TIMP2: variants seen among roughly 807,000 people sequenced by gnomAD.
TIMP2 encodes the protein metalloproteinase inhibitor 2.
In TIMP2, 5 loss-of-function variants were observed where a neutral mutation model predicts 24.3. That is an observed-to-expected ratio of 0.21 (90% CI 0.11 to 0.43). TIMP2 has a LOEUF of 0.43. Ranked by LOEUF, TIMP2 falls within the 20% of genes least tolerant of loss-of-function variation. The pLI, the probability that TIMP2 is intolerant of heterozygous loss-of-function variation, is 1.00. For synonymous variants in TIMP2, 130 were observed against 123.2 expected (o/e 1.06, Z -0.37); for missense variants, 221 against 297.5 (o/e 0.74, Z 1.89).
intron 1 of TIMP2, among the ~76,000 whole-genome samples, chr17:78,888,772 G>A (rs192758937): frequency 4.6e-5 from 7 of 152,332 alleles, no homozygotes; most frequent in African/African-American, 1.7e-4. Context: ...GCAGCAGGGG[G>A]ATGGAAAAGG....
Position 78,906,576 on chromosome 17 carries a change from C to T in TIMP2, c.130+18383G>A, listed in dbSNP as rs552447064. ...GTGGCAATTTCTTTTTTTTCCTTTT[C>T]TTTTTTATTTTTATTATTTTTTTTG... On this transcript the variant is annotated intron_variant, in intron 1 of 4. Transcript: ENST00000262768. Among the ~76,000 whole-genome samples the T allele has an allele frequency of 1.5e-4, 23 of 151,722 alleles. No individual in the cohort carries two copies. The East Asian group carries it at 4.5e-3, about 29-fold the overall frequency.
chr17:78,860,286 A>T (rs918843042), intron 3 of TIMP2, among the ~76,000 whole-genome samples: 20 of 152,228 alleles, frequency 1.3e-4, no homozygotes, highest in Non-Finnish European at 2.5e-4. Context: ...CCTGGCAGAG[A>T]CTGATGGGCA....
At chr17:78,861,850 C>A (rs113268760) in intron 3 of TIMP2, among the ~76,000 whole-genome samples, 1 of 151,910 alleles carries the variant, frequency 6.6e-6, no homozygotes, top group South Asian at 2.1e-4. Flanking sequence ...TGATCCACTG[C>A]GCCCAGCCAA....
At position 78,891,873 on chromosome 17, in the gene TIMP2, C is replaced by T. The variant is rs941212699; in HGVS notation, c.131-17954G>A. The T allele has an allele frequency of 6.4e-7, 1 of 1,550,542 alleles. No homozygotes were observed. ...GGGGCCAGGTGAGAATTCATCCGAC[C>T]CGTGGCTTTTGTAGTCTGTGGTTTC... On this transcript the variant is annotated intron_variant, in intron 1 of 4. Coordinates refer to ENST00000262768, the MANE Select transcript of TIMP2 (RefSeq NM_003255.5). The surrounding 1 kb of genome is among the most constrained non-coding windows in gnomAD (Gnocchi z 4.5).
rs1340700941 is a variant in TIMP2 at position 78,920,578 on chromosome 17, C to T, written c.130+4381G>A. ...CTGACAGATCCTGTCCCTCCAAGGA[C>T]GCTGTTCAAAACCAAGCCGAAGAGC... On this transcript the variant is annotated intron_variant, in intron 1 of 4. Coordinates refer to ENST00000262768, the MANE Select transcript of TIMP2 (RefSeq NM_003255.5). The surrounding 1 kb of genome is among the most constrained non-coding windows in gnomAD (Gnocchi z 4.5). Among the ~76,000 whole-genome samples, 3 of 152,192 alleles carry T rather than the reference C, an allele frequency of 2.0e-5. No homozygotes were observed. Among genetic ancestry groups the T allele is most frequent in the East Asian group, 1.9e-4 (1 of 5,194 alleles).
intron 4 of TIMP2, chr17:78,856,246 G>A (rs889106024): frequency 2.2e-5 from 5 of 229,198 alleles, no homozygotes; most frequent in East Asian, 9.1e-5. Flanking sequence ...GCCGAGCCCC[G>A]AGGTCATCGG....
chr17:78,918,719 C>T (rs1480945930), intron 1 of TIMP2, among the ~76,000 whole-genome samples: 2 of 152,164 alleles, frequency 1.3e-5, no homozygotes. Context: ...TATATATAGG[C>T]CGGGCACCGT....
chr17:78,872,484 GT>G (rs1036417868), intron 2 of TIMP2, among the ~76,000 whole-genome samples: 14 of 152,108 alleles, frequency 9.2e-5, no homozygotes, highest in South Asian at 2.1e-4. Flanking sequence ...CAGGGAGGCT[GT>G]TTTTTTCCCC....
rs2069518736 is a variant in TIMP2 at position 78,855,628 on chromosome 17, C to CA, written c.*38_*39insT. Reference sequence around the variant, plus strand: ...CTGGACCAGTCGAAACCCTTGGAGGCTTTTTTTGCAGTTGGCCACAGGGGC... The same window carrying CA: ...CTGGACCAGTCGAAACCCTTGGAGGCATTTTTTTGCAGTTGGCCACAGGGGC... On this transcript the variant is annotated 3_prime_UTR_variant, in exon 5 of 5. Transcript: ENST00000262768. This position sits in a 1 kb window ranked among gnomAD's most constrained non-coding sequence, Gnocchi z 6.0. The CA allele has an allele frequency of 6.2e-7, 1 of 1,607,100 alleles. No homozygotes were observed. Among genetic ancestry groups the CA allele is most frequent in the Non-Finnish European group, 8.5e-7 (1 of 1,177,276 alleles).
intron 1 of TIMP2, among the ~76,000 whole-genome samples, chr17:78,906,102 G>A (rs2070155945): frequency 6.6e-6 from 1 of 152,210 alleles, no homozygotes; most frequent in Non-Finnish European, 1.5e-5. Flanking sequence ...CCGGGGCAGT[G>A]GCTCACGCCT....
chr17:78,877,307 G>C (rs968267391), intron 1 of TIMP2, among the ~76,000 whole-genome samples: 1 of 152,230 alleles, frequency 6.6e-6, no homozygotes, highest in Admixed American at 6.5e-5. Context: ...GGCCAGGCAC[G>C]GTGGCTCACT....
At chr17:78,886,886 G>A (rs1326434646) in intron 1 of TIMP2, among the ~76,000 whole-genome samples, 2 of 152,108 alleles carry the variant, frequency 1.3e-5, no homozygotes, top group Non-Finnish European at 2.9e-5. Flanking sequence ...CAGTATGCCT[G>A]GCTACTTTTT....
chr17:78,888,565 G>A (rs888511400), intron 1 of TIMP2, among the ~76,000 whole-genome samples: 1 of 152,182 alleles, frequency 6.6e-6, no homozygotes, highest in Non-Finnish European at 1.5e-5. Context: ...TGAACCTCTT[G>A]CCTCAGCCTC....
At chr17:78,883,508 G>A (rs1445850869) in intron 1 of TIMP2, among the ~76,000 whole-genome samples, 1 of 152,188 alleles carries the variant, frequency 6.6e-6, no homozygotes, top group Non-Finnish European at 1.5e-5. Context: ...GTGGGGCAGA[G>A]AAGGTAACAG....
intron 1 of TIMP2, among the ~76,000 whole-genome samples, chr17:78,885,039 TG>T (rs1277008080): frequency 3.9e-5 from 6 of 152,172 alleles, no homozygotes; most frequent in African/African-American, 9.7e-5. Context: ...CAGACCCTGC[TG>T]GCCCCCCTCA....
intron 1 of TIMP2, among the ~76,000 whole-genome samples, chr17:78,908,354 AG>A (rs1320072395): frequency 6.6e-6 from 1 of 152,186 alleles, no homozygotes; most frequent in Non-Finnish European, 1.5e-5. Flanking sequence ...GCCTGATCAA[AG>A]GGAAGACTTA....
At chr17:78,918,758 G>A (rs2070284987) in intron 1 of TIMP2, among the ~76,000 whole-genome samples, 1 of 152,126 alleles carries the variant, frequency 6.6e-6, no homozygotes, top group Non-Finnish European at 1.5e-5. Context: ...CAGCACTTTG[G>A]GAGGCCAAGG....
At chr17:78,901,327 CA>C (rs2070089532) in intron 1 of TIMP2, 1 of 160,878 alleles carries the variant, frequency 6.2e-6, no homozygotes, top group Admixed American at 5.9e-5. Flanking sequence ...ATGAAATGAT[CA>C]GGAATAAACC....
intron 3 of TIMP2, among the ~76,000 whole-genome samples, chr17:78,869,389 T>C (rs1164221637): frequency 6.8e-6 from 1 of 146,208 alleles, no homozygotes; most frequent in Admixed American, 7.0e-5. Flanking sequence ...CACTCCAGCC[T>C]GGGAAACAGA....
Sources: gnomAD v4.1 joint callset for allele counts (sites outside exome capture counted in the v4.1 genomes callset) on GRCh38, gnomAD v4.1.1 for gene constraint, Gnocchi (gnomAD v3.1) non-coding constraint, MANE v1.5 for transcripts, NCBI Gene and HGNC (gene_info 2026-07-23, HGNC 2026-07-21) for gene names.